The following ARHGAP44 variants were observed in gnomAD, a reference collection of about 807,000 sequenced individuals.
ARHGAP44 encodes rho GTPase-activating protein 44.
In ARHGAP44, 43 loss-of-function variants were observed where a neutral mutation model predicts 106.8. The ratio of observed to expected loss-of-function variants is 0.40; its 90% confidence interval spans 0.32 to 0.52. The LOEUF (loss-of-function observed/expected upper bound fraction) is 0.52. ARHGAP44 is among the 20% of genes least tolerant of loss of function. The pLI is 0.48. For missense variants in ARHGAP44, 866 were observed against 1,050.5 expected (o/e 0.82, Z 2.43); for synonymous variants, 439 against 410.3 (o/e 1.07, Z -0.85).
chr17:12,908,191 C>CTTTTTTTTT (rs1228178926), intron 3 of ARHGAP44, among the ~76,000 whole-genome samples: 9 of 95,568 alleles, frequency 9.4e-5, no homozygotes, highest in South Asian at 3.9e-4. Flanking sequence ...TGCCTCATTT[C>CTTTTTTTTT]TTTTTTTTTT....
intron 1 of ARHGAP44, among the ~76,000 whole-genome samples, chr17:12,856,416 C>T (rs889322886): frequency 6.6e-6 from 1 of 152,164 alleles, no homozygotes; most frequent in African/African-American, 2.4e-5. Flanking sequence ...TTCTCTGCTT[C>T]CCTACAGGTA....
At chr17:12,947,705 C>T (rs935047809) in intron 10 of ARHGAP44, among the ~76,000 whole-genome samples, 2 of 152,216 alleles carry the variant, frequency 1.3e-5, no homozygotes, top group Non-Finnish European at 2.9e-5. Flanking sequence ...TTCTCTTTGG[C>T]ATTTTCCATC....
chr17:12,981,400 C>CT (rs113607267), intron 19 of ARHGAP44, among the ~76,000 whole-genome samples: 455 of 145,780 alleles, frequency 3.1e-3, no homozygotes, highest in African/African-American at 4.0e-3. Flanking sequence ...TTGGTTATGT[C>CT]TTTTTTTTTT....
At chr17:12,867,404 C>T (rs1189876837) in intron 1 of ARHGAP44, among the ~76,000 whole-genome samples, 3 of 152,092 alleles carry the variant, frequency 2.0e-5, no homozygotes, top group Non-Finnish European at 4.4e-5. Context: ...AAGAGTAAGT[C>T]CCTGTTTCTT....
intron 19 of ARHGAP44, among the ~76,000 whole-genome samples, chr17:12,981,400 CTT>C (rs113607267): frequency 0.23 from 33,531 of 145,672 alleles, 5,149 homozygotes; most frequent in East Asian, 0.56. Context: ...TTGGTTATGT[CTT>C]TTTTTTTTTT....
rs139900254 is a variant in ARHGAP44 at position 12,912,221 on chromosome 17, C to G, written c.275+3248C>G. Among the ~76,000 whole-genome samples, 73 of 152,184 alleles carry G rather than the reference C, an allele frequency of 4.8e-4. No homozygotes were observed. The East Asian group carries it at 0.011, about 23-fold the overall frequency. On this transcript the variant is annotated intron_variant, in intron 4 of 20. Coordinates refer to ENST00000379672, the MANE Select transcript of ARHGAP44 (RefSeq NM_014859.6). ...GATAACATGTCCATGAAATGAAAAA[C>G]AGGATGTTAATACAAAATATTTATG...
intron 1 of ARHGAP44, among the ~76,000 whole-genome samples, chr17:12,796,112 A>G (rs1452596994): frequency 3.4e-5 from 5 of 147,710 alleles, no homozygotes; most frequent in Non-Finnish European, 7.4e-5. Context: ...TATTTTGGAT[A>G]TAGTCTTTCA....
intron 6 of ARHGAP44, among the ~76,000 whole-genome samples, chr17:12,923,433 C>G (rs962430475): frequency 1.3e-5 from 2 of 152,150 alleles, no homozygotes; most frequent in African/African-American, 4.8e-5. Context: ...CCAGGCTGGT[C>G]TCGAACTCCT....
intron 1 of ARHGAP44, among the ~76,000 whole-genome samples, chr17:12,853,592 C>T (rs919803097): frequency 1.3e-4 from 20 of 152,160 alleles, no homozygotes; most frequent in African/African-American, 4.6e-4. Flanking sequence ...GGGGCAGGAG[C>T]GAGGCGTCCT....
chr17:12,984,611 C>A lies in ARHGAP44; in HGVS notation c.2020C>A (p.Pro674Thr). Reference protein sequence around the residue: ...GAMADQSAGQPSPVSLSPTPP... With the variant: ...GAMADQSAGQTSPVSLSPTPP... ...TATGGCAGACCAGTCCGCTGGCCAGCCGTCCCCAGTCAGCCTGTCCCCCAC... is the reference window on the plus strand; with the variant it reads ...TATGGCAGACCAGTCCGCTGGCCAGACGTCCCCAGTCAGCCTGTCCCCCAC... The change falls in exon 20 of 21, where the codon CCG becomes ACG. Residue 674 changes from proline (P) to threonine (T), a missense_variant. Physicochemically the swap from Pro to Thr is conservative, Grantham distance 38 (BLOSUM62 -1). Transcript: ENST00000379672. 6.2e-7 allele frequency: 1 copy of A among 1,609,210 alleles called. No homozygotes were observed.
Position 12,811,455 on chromosome 17 carries a change from G to C in ARHGAP44, c.53+21564G>C, listed in dbSNP as rs142454929. On this transcript the variant is annotated intron_variant, in intron 1 of 20. Transcript: ENST00000379672. The stretch of plus-strand genomic sequence containing the variant: ...AGGAAGAGGATGGGTTGGTCTTGCT[G>C]TCTCAAGGGTGGCAGAGGCAGAAGA... Among the ~76,000 whole-genome samples, 639 of 152,276 alleles carry C rather than the reference G, an allele frequency of 4.2e-3. 2 individuals are homozygous for C. The highest frequency in any genetic ancestry group is 0.014 in the African/African-American group (589 of 41,560).
chr17:12,929,093 C>G, intron 7 of ARHGAP44, 47 bp downstream of exon 7: 1 of 1,518,816 alleles, frequency 6.6e-7, no homozygotes, highest in South Asian at 1.2e-5. Flanking sequence ...CTGGGGAGCC[C>G]TCAGGGATTC....
At chr17:12,987,237 A>G (rs951512813) in intron 20 of ARHGAP44, 9 of 1,266,146 alleles carry the variant, frequency 7.1e-6, no homozygotes, top group Non-Finnish European at 9.7e-6. Context: ...TCGTCTCTGC[A>G]TGTGGCTCAG....
At chr17:12,899,799 AT>A (rs1322298559) in intron 3 of ARHGAP44, among the ~76,000 whole-genome samples, 5 of 152,242 alleles carry the variant, frequency 3.3e-5, no homozygotes, top group Admixed American at 2.6e-4. Context: ...GCTTGAGCAC[AT>A]GTAAGTTGCT....
At chr17:12,914,659 G>C (rs2037849682) in intron 4 of ARHGAP44, among the ~76,000 whole-genome samples, 2 of 152,054 alleles carry the variant, frequency 1.3e-5, no homozygotes, top group Admixed American at 1.3e-4. Context: ...AGCCGGGTGT[G>C]GTGGCAGCCT....
intron 7 of ARHGAP44, among the ~76,000 whole-genome samples, chr17:12,937,225 A>G (rs12943554): frequency 0.3 from 45,722 of 152,088 alleles, 7,305 homozygotes; most frequent in East Asian, 0.54. Context: ...TAAAAGCCCA[A>G]TAGTTTAGGC....
At chr17:12,839,186 GTCATGGTC>G (rs1484362021) in intron 1 of ARHGAP44, among the ~76,000 whole-genome samples, 1 of 152,100 alleles carries the variant, frequency 6.6e-6, no homozygotes, top group Non-Finnish European at 1.5e-5. Context: ...TTGGCCATTT[GTCATGGTC>G]TGTTCCCAGA....
intron 7 of ARHGAP44, among the ~76,000 whole-genome samples, chr17:12,940,151 G>A (rs1047639014): frequency 7.2e-5 from 11 of 152,160 alleles, no homozygotes; most frequent in African/African-American, 2.7e-4. Context: ...CTGTTGCCAT[G>A]TTTGCCCCAA....
chr17:12,967,097 C>T (rs2039408550), intron 16 of ARHGAP44, among the ~76,000 whole-genome samples: 1 of 128,814 alleles, frequency 7.8e-6, no homozygotes, highest in African/African-American at 3.4e-5. Context: ...CACCCTTCTT[C>T]CTCATTTTTT....
Sources: allele counts gnomAD v4.1 joint callset (sites outside exome capture counted in the v4.1 genomes callset), GRCh38; gene constraint gnomAD v4.1.1; transcripts MANE v1.5; gene names NCBI Gene and HGNC (gene_info 2026-07-23, HGNC 2026-07-21).